The following PAX2 variants were observed in gnomAD, a reference collection of about 807,000 sequenced individuals.
PAX2 encodes the protein paired box 2.
Under a neutral mutation model 41.7 loss-of-function variants are expected in PAX2, and 9 were observed. The observed-to-expected ratio is 0.22, with a 90% CI of 0.13 to 0.38. PAX2 has a LOEUF of 0.38. Among genes scored for constraint, PAX2 ranks in the 10% least tolerant of loss-of-function variants. The probability of loss-of-function intolerance (pLI) is 1.00; values close to 1 mark genes in which losing one functional copy is unlikely to be tolerated. For missense variants in PAX2, 418 were observed against 531.6 expected (o/e 0.79, Z 2.10); for synonymous variants, 221 against 212.7 (o/e 1.04, Z -0.34).
intron 5 of PAX2, chr10:100,786,896 T>A (rs1432445468): frequency 1.7e-6 from 2 of 1,194,612 alleles, no homozygotes; most frequent in Admixed American, 3.8e-5. Context: ...TCTGCCTGCC[T>A]GTCTTTCGGG....
intron 3 of PAX2, among the ~76,000 whole-genome samples, chr10:100,754,747 C>A (rs1272507031): frequency 1.3e-5 from 2 of 152,180 alleles, no homozygotes; most frequent in Non-Finnish European, 2.9e-5. Flanking sequence ...ATGTTCCGGG[C>A]TAGGGTCTGT....
At position 100,786,933 on chromosome 10, in the gene PAX2, T is replaced by C. The variant is rs750327699; in HGVS notation, c.616+5568T>C. 26 of 1,377,836 alleles carry C rather than the reference T, an allele frequency of 1.9e-5. No individual in the cohort carries two copies. Among genetic ancestry groups the C allele is most frequent in the Non-Finnish European group, 2.4e-5 (25 of 1,024,322 alleles). The allele number at this position is 1,377,836 out of a possible 1,614,324, so 85.4% of individuals were successfully genotyped here. ...TCTCTCAGTGTTTGTCTGTCTCTTA[T>C]TTGCTCTAGTTGAGGTATACACTGA... On this transcript the variant is annotated intron_variant, in intron 5 of 9. Coordinates refer to ENST00000355243, the MANE Select transcript of PAX2 (RefSeq NM_000278.5).
At chr10:100,773,659 C>T (rs1465100927) in intron 3 of PAX2, among the ~76,000 whole-genome samples, 1 of 152,034 alleles carries the variant, frequency 6.6e-6, no homozygotes, top group Non-Finnish European at 1.5e-5. Context: ...TTGAACTTTG[C>T]GTGGCGATCA....
At position 100,798,964 on chromosome 10, in the gene PAX2, G is replaced by C. The variant is rs577717439; in HGVS notation, c.617-7466G>C. Among the ~76,000 whole-genome samples the C allele has an allele frequency of 5.9e-5, 9 of 152,382 alleles. No individual in the cohort carries two copies. The South Asian group carries it at 1.9e-3, about 32-fold the overall frequency. ...ATCGCGTTCTGAACTCAGCCCAGCCGATAGAAGGTAATTAATGACTCCATT... is the reference window on the plus strand; with the variant it reads ...ATCGCGTTCTGAACTCAGCCCAGCCCATAGAAGGTAATTAATGACTCCATT... On this transcript the variant is annotated intron_variant, in intron 5 of 9. Transcript: ENST00000355243.
At chr10:100,811,658 T>C (rs1847994232) in intron 7 of PAX2, among the ~76,000 whole-genome samples, 1 of 152,248 alleles carries the variant, frequency 6.6e-6, no homozygotes, top group African/African-American at 2.4e-5. Flanking sequence ...TTTAAAAGCT[T>C]ATTTTCTTGG....
At chr10:100,765,372 A>G (rs1845983191) in intron 3 of PAX2, among the ~76,000 whole-genome samples, 1 of 152,164 alleles carries the variant, frequency 6.6e-6, no homozygotes, top group African/African-American at 2.4e-5. Context: ...TTAGGTGACC[A>G]AGTTCAGCTC....
At chr10:100,789,165 G>A (rs1847001144) in intron 5 of PAX2, among the ~76,000 whole-genome samples, 1 of 152,170 alleles carries the variant, frequency 6.6e-6, no homozygotes, top group African/African-American at 2.4e-5. Context: ...GGAGAGCAAT[G>A]GCAAGATCTC....
At chr10:100,800,324 G>A (rs1847516683) in intron 5 of PAX2, among the ~76,000 whole-genome samples, 1 of 134,924 alleles carries the variant, frequency 7.4e-6, no homozygotes. Flanking sequence ...CTGTTGTCCA[G>A]GCTGAATGCA....
chr10:100,791,694 G>GA lies in PAX2; in HGVS notation c.616+10329_616+10330insA, dbSNP rs1847126100. Reference sequence around the variant, plus strand: ...ACACAGATCTCCCTCGGCCCAGGCAGCCTGGGAAGCCTGGGATGGAGGGAT... The same window carrying GA: ...ACACAGATCTCCCTCGGCCCAGGCAGACCTGGGAAGCCTGGGATGGAGGGAT... On this transcript the variant is annotated intron_variant, in intron 5 of 9. Coordinates refer to ENST00000355243, the MANE Select transcript of PAX2 (RefSeq NM_000278.5). The surrounding 1 kb of genome is among the most constrained non-coding windows in gnomAD (Gnocchi z 4.5). Among the ~76,000 whole-genome samples, 1 of 152,192 alleles carries GA rather than the reference G, an allele frequency of 6.6e-6. No homozygotes were observed. Among genetic ancestry groups the GA allele is most frequent in the Non-Finnish European group, 1.5e-5 (1 of 68,020 alleles).
upstream of PAX2, among the ~76,000 whole-genome samples, chr10:100,745,361 T>TCCCATTTCTCCCTCCCC (rs1190100095): frequency 1.1e-5 from 1 of 87,404 alleles, no homozygotes; most frequent in African/African-American, 4.3e-5. Flanking sequence ...CCTCCCTCCC[T>TCCCATTTCTCCCTCCCC]CCCATTTCTC....
chr10:100,805,016 TCTCACATACA>T (rs1408656297), intron 5 of PAX2, among the ~76,000 whole-genome samples: 2 of 67,262 alleles, frequency 3.0e-5, no homozygotes, highest in African/African-American at 1.6e-4. Context: ...TCTCTCTCTC[TCTCACATACA>T]CACACACACA....
intron 7 of PAX2, among the ~76,000 whole-genome samples, chr10:100,822,620 G>C (rs768259658): frequency 2.0e-5 from 3 of 152,188 alleles, no homozygotes; most frequent in African/African-American, 4.8e-5. Context: ...AAATATAATG[G>C]CATGGTAAAC....
At chr10:100,766,055 T>C (rs908375796) in intron 3 of PAX2, among the ~76,000 whole-genome samples, 2 of 152,220 alleles carry the variant, frequency 1.3e-5, no homozygotes, top group African/African-American at 2.4e-5. Flanking sequence ...AGGATTGTTA[T>C]AGATGAGGTA....
intron 5 of PAX2, among the ~76,000 whole-genome samples, chr10:100,803,915 A>G (rs1315867128): frequency 2.6e-5 from 4 of 152,296 alleles, no homozygotes; most frequent in South Asian, 4.1e-4. Context: ...TAAAAAGGTC[A>G]GTGAGTGGAG....
rs1847920053 is a variant in PAX2 at position 100,809,540 on chromosome 10, G to A, written c.919+304G>A. Among the ~76,000 whole-genome samples the A allele has an allele frequency of 2.0e-5, 3 of 152,200 alleles. No individual in the cohort carries two copies. In the South Asian group the frequency reaches 6.2e-4, roughly 32 times the overall value. On this transcript the variant is annotated intron_variant, in intron 7 of 9. Coordinates refer to ENST00000355243, the MANE Select transcript of PAX2 (RefSeq NM_000278.5). ...TCTCTTCCCTCTCCCAAGTTGCCCA[G>A]AATCATGAGCCTCTTGTTAGGATGT... is the stretch of plus-strand genomic sequence containing the variant.
At chr10:100,751,698 T>C (rs1845450211) in intron 3 of PAX2, among the ~76,000 whole-genome samples, 1 of 152,160 alleles carries the variant, frequency 6.6e-6, no homozygotes, top group African/African-American at 2.4e-5. Flanking sequence ...AGAACACATG[T>C]GCACACTCCA....
chr10:100,775,594 A>T (rs1589841091), intron 3 of PAX2, among the ~76,000 whole-genome samples: 1 of 152,306 alleles, frequency 6.6e-6, no homozygotes, highest in East Asian at 1.9e-4. Context: ...CCAGTGCCCT[A>T]GGGGTCAGAG....
At chr10:100,778,645 C>T (rs1019066569) in intron 3 of PAX2, among the ~76,000 whole-genome samples, 3 of 152,140 alleles carry the variant, frequency 2.0e-5, no homozygotes, top group Non-Finnish European at 4.4e-5. Flanking sequence ...CCGTCTTGGC[C>T]CTGGGACTGG....
chr10:100,752,272 C>T (rs935499788), intron 3 of PAX2, among the ~76,000 whole-genome samples: 4 of 152,346 alleles, frequency 2.6e-5, no homozygotes, highest in African/African-American at 7.2e-5. Context: ...CCAGCTCCCT[C>T]GGCCTGGCTC....
Sources: allele counts gnomAD v4.1 joint callset (sites outside exome capture counted in the v4.1 genomes callset), GRCh38; gene constraint gnomAD v4.1.1; non-coding constraint Gnocchi (gnomAD v3.1); transcripts MANE v1.5; gene names NCBI Gene and HGNC (gene_info 2026-07-23, HGNC 2026-07-21).